SLCO1C1: variants seen among roughly 807,000 people sequenced by gnomAD.
SLCO1C1 encodes OAT-RP-5.
Under a neutral mutation model 76.4 loss-of-function variants are expected in SLCO1C1, and 70 were observed. That is an observed-to-expected ratio of 0.92 (90% confidence interval 0.76 to 1.12). The LOEUF (loss-of-function observed/expected upper bound fraction) is 1.12, where lower values mean the gene tolerates loss of function less well. Among genes scored for constraint, SLCO1C1 ranks in the 50% most tolerant of loss-of-function variants. The probability of loss-of-function intolerance (pLI) is 0.00; values close to 1 mark genes in which losing one functional copy is unlikely to be tolerated. For synonymous variants in SLCO1C1, 306 were observed against 286.1 expected (o/e 1.07, Z -0.70); for missense variants, 912 against 823.8 (o/e 1.11, Z -1.31).
At chr12:20,751,080 T>C (rs1487728192) in intron 14 of SLCO1C1, among the ~76,000 whole-genome samples, 2 of 152,158 alleles carry the variant, frequency 1.3e-5, no homozygotes, top group African/African-American at 4.8e-5. Flanking sequence ...TGCACACAAA[T>C]GGGCAAGTAT....
rs937163891 is a variant in SLCO1C1, at chr12:20,732,910, G to A, written c.1188G>A (p.Gly396=). ...QSSSRANFVI[G]LINIPAVALG... is the part of the protein sequence containing the mutation. The stretch of plus-strand genomic sequence containing the variant: ...TGATATATTTTTCTTGTTTCTCAGG[G>A]CTCATCAACATTCCAGCAGTGGCCC... Residue 396 remains glycine (G), a splice_region_variant and synonymous_variant, in exon 10 of 15, where the codon GGG becomes GGA. Transcript: ENST00000266509. 3 of 1,613,612 alleles carry A rather than the reference G, an allele frequency of 1.9e-6. No individual in the cohort carries two copies. The highest frequency in any genetic ancestry group is 2.7e-5 in the African/African-American group (2 of 74,854).
At chr12:20,752,274 T>A in intron 14 of SLCO1C1, 32 bp from the exon 15 acceptor site, 1 of 1,395,542 alleles carries the variant, frequency 7.2e-7, no homozygotes, top group Non-Finnish European at 9.6e-7. Context: ...GGTTGTTGCA[T>A]TAATTATAAC....
rs773860005 is a variant in SLCO1C1 at position 20,699,626 on chromosome 12, T to G, written c.50T>G (p.Val17Gly). 6.2e-7 allele frequency: 1 copy of G among 1,612,562 alleles called. No homozygotes were observed. Among genetic ancestry groups the G allele is most frequent in the Admixed American group, 1.7e-5 (1 of 59,802 alleles). The change falls in exon 2 of 15, where the codon GTG (valine) becomes GGG (glycine). Residue 17 changes from valine (V) to glycine (G), a missense_variant. Val to Gly is a moderately radical substitution (Grantham distance 109). Transcript: ENST00000266509. Reference protein sequence around the residue: ...ENIQLFCKTSVQPVGRPSFKT... With the variant: ...ENIQLFCKTSGQPVGRPSFKT... ...ATCCAGTTGTTCTGCAAAACTTCAG[T>G]GCAACCTGTTGGAAGGCCTTCTTTT...
chr12:20,730,991 T>A (rs1948238269), intron 9 of SLCO1C1, among the ~76,000 whole-genome samples: 2 of 152,128 alleles, frequency 1.3e-5, no homozygotes, highest in African/African-American at 4.8e-5. Flanking sequence ...TGACAAAGGC[T>A]TTGAGTCAAC....
At chr12:20,737,380 ACCTCTGC>A in intron 11 of SLCO1C1, 108 bp downstream of exon 11, 1 of 1,147,258 alleles carries the variant, frequency 8.7e-7, no homozygotes, top group Non-Finnish European at 1.2e-6. Flanking sequence ...CTTGCCTCTT[ACCTCTGC>A]CTGGTCCTTT....
intron 8 of SLCO1C1, 59 bp downstream of exon 8, chr12:20,722,108 T>G: frequency 6.5e-7 from 1 of 1,544,994 alleles, no homozygotes; most frequent in South Asian, 1.2e-5. Flanking sequence ...TTAAGGAGAT[T>G]TATAAATTAC....
At chr12:20,710,380 C>G (rs1395292166) in intron 4 of SLCO1C1, among the ~76,000 whole-genome samples, 1 of 151,680 alleles carries the variant, frequency 6.6e-6, no homozygotes, top group Non-Finnish European at 1.5e-5. Flanking sequence ...AATGCATATT[C>G]CTGTGATTAC....
chr12:20,705,677 G>C (rs1946738632), intron 3 of SLCO1C1, among the ~76,000 whole-genome samples: 1 of 151,994 alleles, frequency 6.6e-6, no homozygotes, highest in South Asian at 2.1e-4. Context: ...TTGACTTACT[G>C]ATAAAATATT....
At chr12:20,751,419 G>GCAATGCTT (rs66532439) in intron 14 of SLCO1C1, among the ~76,000 whole-genome samples, 68,334 of 151,480 alleles carry the variant, frequency 0.45, 16,863 homozygotes, top group East Asian at 0.6. Flanking sequence ...AAGCATTGAA[G>GCAATGCTT]CAATGGCTTA....
intron 2 of SLCO1C1, among the ~76,000 whole-genome samples, chr12:20,700,777 CAT>C (rs1946485991): frequency 1.3e-5 from 2 of 152,200 alleles, no homozygotes; most frequent in Non-Finnish European, 2.9e-5. Context: ...ATATCAAAGA[CAT>C]GTTTTCCATT....
chr12:20,701,329 T>C lies in SLCO1C1; in HGVS notation c.141T>C (p.Cys47=). Residue 47 remains cysteine (C), a synonymous_variant, in exon 3 of 15, where the codon TGT becomes TGC. Transcript: ENST00000266509. ...PCCGELKVFL[C]ALSFVYFAKA... is the part of the protein sequence containing the mutation. The stretch of plus-strand genomic sequence containing the variant: ...GTCATATTTTCCAGGTGTTCTTGTG[T>C]GCCTTGTCTTTTGTTTACTTTGCCA... 2 of 1,529,816 alleles carry C rather than the reference T, an allele frequency of 1.3e-6. No homozygotes were observed. The highest frequency in any genetic ancestry group is 1.8e-6 in the Non-Finnish European group (2 of 1,122,138). 94.8% of individuals were successfully genotyped at this position (1,529,816 alleles called of 1,614,324 possible).
At chr12:20,744,485 A>AG (rs1258284493) in intron 13 of SLCO1C1, among the ~76,000 whole-genome samples, 1 of 152,130 alleles carries the variant, frequency 6.6e-6, no homozygotes, top group African/African-American at 2.4e-5. Flanking sequence ...GAAGAAAAAA[A>AG]CAAGCAACAA....
At position 20,701,353 on chromosome 12, in the gene SLCO1C1, C is replaced by T; in HGVS notation, c.165C>T (p.Ala55=). Residue 55 remains alanine, a synonymous_variant, in exon 3 of 15, where the codon GCC becomes GCT. Coordinates refer to ENST00000266509, the MANE Select transcript of SLCO1C1 (RefSeq NM_017435.5). ...GTGCCTTGTCTTTTGTTTACTTTGC[C>T]AAAGCATTGGCAGAAGGCTATCTGA... ...FLCALSFVYF[A]KALAEGYLKS... The T allele has an allele frequency of 6.5e-7, 1 of 1,537,210 alleles. No homozygotes were observed.
intron 10 of SLCO1C1, among the ~76,000 whole-genome samples, chr12:20,736,336 T>TG (rs34046081): frequency 0.54 from 78,624 of 144,286 alleles, 24,896 homozygotes; most frequent in Non-Finnish European, 0.7. Context: ...AAACCAATTT[T>TG]GGGGGGGGGT....
intron 13 of SLCO1C1, among the ~76,000 whole-genome samples, chr12:20,747,202 A>G (rs1949085798): frequency 6.6e-6 from 1 of 152,114 alleles, no homozygotes. Flanking sequence ...AGGCGGGTGG[A>G]TATCTTGAGG....
At chr12:20,719,100 C>CTATTATTATTATTAT (rs71039975) in intron 7 of SLCO1C1, among the ~76,000 whole-genome samples, 2,165 of 145,636 alleles carry the variant, frequency 0.015, 20 homozygotes, top group Middle Eastern at 0.022. Flanking sequence ...CAAGCTTTTA[C>CTATTATTATTATTAT]TATTATTATT....
chr12:20,724,451 A>ATATGTG (rs1555129500), intron 9 of SLCO1C1, among the ~76,000 whole-genome samples: 23 of 75,392 alleles, frequency 3.1e-4, no homozygotes, highest in African/African-American at 1.1e-3. Context: ...ATATATATAT[A>ATATGTG]TGTGTGTGTG....
intron 1 of SLCO1C1, among the ~76,000 whole-genome samples, 181 bp from the exon 2 acceptor site, chr12:20,699,371 G>A (rs572636867): frequency 1.1e-3 from 167 of 152,052 alleles, no homozygotes; most frequent in African/African-American, 3.8e-3. Context: ...TCCAATAGCA[G>A]GATTAGTTAA....
rs58047375 is a variant in SLCO1C1, at chr12:20,739,388, GT to G, written c.1549-787del. Among the ~76,000 whole-genome samples the G allele has an allele frequency of 1.5e-3, 229 of 148,416 alleles. 6 individuals carry two copies. The South Asian group carries it at 0.041, about 27-fold the overall frequency. ...ATAAGAAGATGGAGAGATGGGAGTTGTTTTTTTTTGTTTTTTTTTTTAAATG... is the reference window on the plus strand; with the variant it reads ...ATAAGAAGATGGAGAGATGGGAGTTGTTTTTTTTGTTTTTTTTTTTAAATG... On this transcript the variant is annotated intron_variant, in intron 11 of 14. Coordinates refer to ENST00000266509, the MANE Select transcript of SLCO1C1 (RefSeq NM_017435.5).
Sources: allele counts gnomAD v4.1 joint callset (sites outside exome capture counted in the v4.1 genomes callset), GRCh38; gene constraint gnomAD v4.1.1; transcripts MANE v1.5; gene names NCBI Gene and HGNC (gene_info 2026-07-23, HGNC 2026-07-21).